Variants in CCDC148 observed in about 807,000 individuals in gnomAD.
CCDC148 encodes the protein coiled-coil domain-containing protein 148.
A neutral mutation model predicts 85.7 loss-of-function variants in CCDC148; 89 were observed. That is an observed-to-expected ratio of 1.04 (90% CI 0.87 to 1.24). The LOEUF is 1.24. Among genes scored for constraint, CCDC148 ranks in the 50% most tolerant of loss-of-function variants. CCDC148 has a pLI of 0.00. For missense variants in CCDC148, 692 were observed against 671.7 expected, an observed-to-expected ratio of 1.03 and a Z score of -0.33; for synonymous variants, 230 against 213.9, an observed-to-expected ratio of 1.08 and a Z score of -0.66.
chr2:158,239,538 G>A (rs752690717), intron 10 of CCDC148, among the ~76,000 whole-genome samples: 16 of 151,704 alleles, frequency 1.1e-4, no homozygotes, highest in Admixed American at 2.6e-4. Context: ...AGAGTTGACC[G>A]TGTGCTCAGT....
chr2:158,281,648 CAAAA>C (rs1041695424), intron 9 of CCDC148, among the ~76,000 whole-genome samples: 52 of 152,212 alleles, frequency 3.4e-4, no homozygotes, highest in African/African-American at 1.1e-3. Flanking sequence ...GCTTACCAAC[CAAAA>C]AGAGTCCAGG....
At chr2:158,334,693 C>G (rs1693330629) in intron 7 of CCDC148, among the ~76,000 whole-genome samples, 2 of 151,920 alleles carry the variant, frequency 1.3e-5, no homozygotes, top group African/African-American at 4.8e-5. Context: ...TTGAAATTAG[C>G]CTTTATTGTA....
intron 1 of CCDC148, among the ~76,000 whole-genome samples, chr2:158,443,852 A>G (rs1004883041): frequency 9.2e-5 from 14 of 152,148 alleles, no homozygotes; most frequent in Non-Finnish European, 1.9e-4. Context: ...AGCCAGCCAC[A>G]CCTCCTGACT....
intron 1 of CCDC148, among the ~76,000 whole-genome samples, chr2:158,399,317 C>T (rs560656443): frequency 6.6e-6 from 1 of 151,922 alleles, no homozygotes. Flanking sequence ...CAGAGACACA[C>T]ACACAAAAAG....
chr2:158,448,331 T>C (rs1016589179), intron 1 of CCDC148, among the ~76,000 whole-genome samples: 29 of 151,678 alleles, frequency 1.9e-4, no homozygotes, highest in African/African-American at 4.8e-4. Context: ...GTTTTTGATA[T>C]GTATTTCCAT....
chr2:158,289,962 A>G (rs1411027960), intron 9 of CCDC148, among the ~76,000 whole-genome samples: 2 of 152,182 alleles, frequency 1.3e-5, no homozygotes, highest in Non-Finnish European at 2.9e-5. Context: ...AAATTATATT[A>G]CTCAGGGATG....
intron 11 of CCDC148, among the ~76,000 whole-genome samples, chr2:158,212,270 AT>A: frequency 6.6e-6 from 1 of 152,358 alleles, no homozygotes. Flanking sequence ...GAGAAATCTC[AT>A]GCTGAGAAGC....
At chr2:158,258,263 G>C (rs371702807) in intron 9 of CCDC148, among the ~76,000 whole-genome samples, 7 of 151,862 alleles carry the variant, frequency 4.6e-5, no homozygotes, top group East Asian at 1.9e-4. Context: ...AAAGAAGCTT[G>C]AAAAACACAT....
chr2:158,377,850 T>C (rs1684717912), intron 1 of CCDC148, among the ~76,000 whole-genome samples: 1 of 152,148 alleles, frequency 6.6e-6, no homozygotes, highest in Non-Finnish European at 1.5e-5. Flanking sequence ...GAAAGCAAAC[T>C]TGATAAATGT....
At chr2:158,287,292 C>T (rs1690673114) in intron 9 of CCDC148, among the ~76,000 whole-genome samples, 1 of 152,096 alleles carries the variant, frequency 6.6e-6, no homozygotes. Flanking sequence ...ATCTCATATA[C>T]TCACATTTCA....
intron 1 of CCDC148, among the ~76,000 whole-genome samples, chr2:158,427,360 T>A (rs1270481812): frequency 2.0e-5 from 3 of 152,202 alleles, no homozygotes; most frequent in Non-Finnish European, 4.4e-5. Context: ...GACATGGATC[T>A]TATTTTCACT....
intron 1 of CCDC148, among the ~76,000 whole-genome samples, chr2:158,433,647 A>G (rs1241762501): frequency 6.6e-6 from 1 of 152,136 alleles, no homozygotes; most frequent in Non-Finnish European, 1.5e-5. Flanking sequence ...GGTGCAGCAC[A>G]CCAAGTGTGA....
At chr2:158,327,598 G>A (rs1305067342) in intron 7 of CCDC148, among the ~76,000 whole-genome samples, 17 of 152,104 alleles carry the variant, frequency 1.1e-4, no homozygotes, top group Admixed American at 1.1e-3. Flanking sequence ...ATGGCAACAT[G>A]CTACAGTTTA....
At chr2:158,246,645 T>G (rs147412560) in intron 10 of CCDC148, among the ~76,000 whole-genome samples, 2 of 152,154 alleles carry the variant, frequency 1.3e-5, no homozygotes, top group Non-Finnish European at 2.9e-5. Context: ...ATGGGACCTG[T>G]GCTCACGGGA....
At chr2:158,411,077 A>C (rs1398617359) in intron 1 of CCDC148, among the ~76,000 whole-genome samples, 2 of 152,028 alleles carry the variant, frequency 1.3e-5, no homozygotes, top group East Asian at 3.9e-4. Flanking sequence ...ATACTTATGG[A>C]GTTCTCTTAT....
At chr2:158,423,475 C>G (rs1333828397) in intron 1 of CCDC148, among the ~76,000 whole-genome samples, 1 of 152,176 alleles carries the variant, frequency 6.6e-6, no homozygotes, top group Non-Finnish European at 1.5e-5. Flanking sequence ...GAAAGGATCC[C>G]TATTTAATAA....
At chr2:158,251,018 C>A (rs1688772242) in intron 9 of CCDC148, 106 bp from the exon 10 acceptor site, 16 of 998,974 alleles carry the variant, frequency 1.6e-5, no homozygotes, top group Admixed American at 2.6e-5. Context: ...ACTTTTTTTC[C>A]AAATAAATGT....
intron 1 of CCDC148, among the ~76,000 whole-genome samples, chr2:158,428,501 C>T (rs1272023723): frequency 6.6e-6 from 1 of 151,636 alleles, no homozygotes; most frequent in Non-Finnish European, 1.5e-5. Context: ...CTTTGAGTTG[C>T]CTTAGAGATG....
At chr2:158,266,487 A>G (rs1689459372) in intron 9 of CCDC148, among the ~76,000 whole-genome samples, 2 of 152,122 alleles carry the variant, frequency 1.3e-5, no homozygotes, top group Admixed American at 6.6e-5. Context: ...ATTTATTTCC[A>G]TAGTTTTTTG....
Sources: allele counts gnomAD v4.1 joint callset (sites outside exome capture counted in the v4.1 genomes callset), GRCh38; gene constraint gnomAD v4.1.1; transcripts MANE v1.5; gene names NCBI Gene and HGNC (gene_info 2026-07-23, HGNC 2026-07-21).